The following GSE1 variants were observed in gnomAD, a reference collection of about 807,000 sequenced individuals.
GSE1 encodes the protein genetic suppressor element 1.
In GSE1, 32 loss-of-function variants were observed where a neutral mutation model predicts 112.6. That is an observed-to-expected ratio of 0.28 (90% confidence interval 0.21 to 0.38). GSE1 has a LOEUF of 0.38. Ranked by LOEUF, GSE1 falls within the 10% of genes least tolerant of loss-of-function variation. The pLI, the probability that GSE1 is intolerant of heterozygous loss-of-function variation, is 1.00. For missense variants in GSE1, 2,348 were observed against 1,699.2 expected (o/e 1.38, Z -6.71); for synonymous variants, 1,115 against 735.6 (o/e 1.52, Z -8.35).
rs749420275 is a variant in GSE1 at position 85,533,450 on chromosome 16, ATC to A, written c.2465-100460_2465-100459del. Among the ~76,000 whole-genome samples the A allele has an allele frequency of 2.7e-3, 408 of 151,994 alleles. 3 individuals are homozygous for A. The highest frequency in any genetic ancestry group is 9.3e-3 in the African/African-American group (384 of 41,396). ...AACACAAAAAACAAACAAACAAAAA[ATC>A]TCTGTTTGCATATGTGTTATAATGG... is the stretch of plus-strand genomic sequence containing the variant. On this transcript the variant is annotated intron_variant, in intron 2 of 2. Coordinates refer to the GSE1 transcript ENST00000637419.
chr16:85,229,985 G>T (rs1314734583), intron 1 of GSE1, among the ~76,000 whole-genome samples: 1 of 152,180 alleles, frequency 6.6e-6, no homozygotes, highest in African/African-American at 2.4e-5. Flanking sequence ...TGTGCCACAT[G>T]CCCACTTGTA....
chr16:85,293,320 T>C (rs976164481), intron 1 of GSE1, among the ~76,000 whole-genome samples: 1 of 151,828 alleles, frequency 6.6e-6, no homozygotes, highest in African/African-American at 2.4e-5. Context: ...CCGAGGCGGG[T>C]GCATCACTTG....
chr16:85,287,877 T>C (rs2966858), intron 1 of GSE1, among the ~76,000 whole-genome samples: 131,201 of 152,218 alleles, frequency 0.86, 56,894 homozygotes, highest in African/African-American at 0.96. Context: ...TCCCTAGGAC[T>C]CAGAATAATG....
intron 1 of GSE1, among the ~76,000 whole-genome samples, chr16:85,178,094 G>C (rs1284145529): frequency 6.6e-6 from 1 of 152,220 alleles, no homozygotes; most frequent in African/African-American, 2.4e-5. Flanking sequence ...TGAGGAACCA[G>C]TGAAGAGGTC....
chr16:85,501,387 C>CA (rs2051361186), intron 2 of GSE1, among the ~76,000 whole-genome samples: 4 of 129,522 alleles, frequency 3.1e-5, no homozygotes, highest in Admixed American at 8.0e-5. Context: ...AGGACTTCAC[C>CA]TTTTTTTTTT....
Position 85,672,101 on chromosome 16 carries a change from C to A in GSE1, c.3520-304C>A, listed in dbSNP as rs896191862. On this transcript the variant is annotated intron_variant, in intron 15 of 15. Transcript: ENST00000253458. The stretch of plus-strand genomic sequence containing the variant: ...GCAACCTCCGCCTCCTGGGTTCAAG[C>A]GATTCTCCTGCCTCAGCCTCCCGAG... 5 of 321,038 alleles carry A rather than the reference C, an allele frequency of 1.6e-5. No individual in the cohort carries two copies. In the East Asian group the frequency reaches 4.3e-4, roughly 27 times the overall value. The allele number at this position is 321,038 out of a possible 1,614,324, so 19.9% of individuals were successfully genotyped here. A position where few individuals can be genotyped will look rare whatever the true frequency, so the allele number is the denominator to read the frequency against.
chr16:85,255,119 G>A (rs908135604), intron 1 of GSE1, among the ~76,000 whole-genome samples: 1 of 152,196 alleles, frequency 6.6e-6, no homozygotes, highest in Non-Finnish European at 1.5e-5. Context: ...GCCAGCTTCC[G>A]GCTCCCCGAG....
intron 1 of GSE1, among the ~76,000 whole-genome samples, chr16:85,556,706 G>A (rs1396400882): frequency 6.7e-6 from 1 of 150,214 alleles, no homozygotes; most frequent in African/African-American, 2.4e-5. Flanking sequence ...TAAGCGCCGA[G>A]TGTGAAGTTA....
At chr16:85,375,416 C>A (rs374718307) in intron 2 of GSE1, among the ~76,000 whole-genome samples, 1 of 152,156 alleles carries the variant, frequency 6.6e-6, no homozygotes, top group South Asian at 2.1e-4. Flanking sequence ...AGGCCCAGGG[C>A]GCCCATTAAG....
intron 1 of GSE1, chr16:85,593,703 T>G (rs1175971516): frequency 1.3e-5 from 2 of 152,166 alleles, no homozygotes. Flanking sequence ...TCCAGCCCAT[T>G]TGCATAATCC....
chr16:85,486,282 C>A (rs1042068738), intron 2 of GSE1, among the ~76,000 whole-genome samples: 3 of 142,210 alleles, frequency 2.1e-5, no homozygotes, highest in African/African-American at 8.2e-5. Context: ...CAGGTGGACG[C>A]TGTCACCTGC....
intron 1 of GSE1, among the ~76,000 whole-genome samples, chr16:85,272,927 C>A (rs909480735): frequency 6.6e-6 from 1 of 152,156 alleles, no homozygotes; most frequent in African/African-American, 2.4e-5. Context: ...CAGGCATGCA[C>A]TATTATGCCC....
intron 2 of GSE1, among the ~76,000 whole-genome samples, chr16:85,506,201 G>A (rs2051530044): frequency 6.6e-6 from 1 of 152,184 alleles, no homozygotes; most frequent in African/African-American, 2.4e-5. Context: ...TCCTGTGTGT[G>A]GTGCGTCCCT....
intron 1 of GSE1, among the ~76,000 whole-genome samples, chr16:85,616,016 G>T (rs1172847521): frequency 1.3e-5 from 2 of 152,256 alleles, no homozygotes; most frequent in Non-Finnish European, 2.9e-5. Flanking sequence ...GTCTCTGGGG[G>T]AAGTTCAGGG....
chr16:85,549,363 G>A (rs893468624), intron 2 of GSE1, among the ~76,000 whole-genome samples: 6 of 151,926 alleles, frequency 3.9e-5, no homozygotes, highest in African/African-American at 1.2e-4. Flanking sequence ...TTTTTGTAGC[G>A]ACGGAGTCCC....
At chr16:85,414,745 C>T (rs1277286449) in intron 2 of GSE1, among the ~76,000 whole-genome samples, 5 of 152,212 alleles carry the variant, frequency 3.3e-5, no homozygotes, top group Non-Finnish European at 7.4e-5. Flanking sequence ...AGCAATTCTC[C>T]TGCCTCAGCC....
At chr16:85,620,935 T>A (rs1461995107) in intron 1 of GSE1, among the ~76,000 whole-genome samples, 2 of 151,662 alleles carry the variant, frequency 1.3e-5, no homozygotes, top group Non-Finnish European at 2.9e-5. Context: ...GTAGATGGTC[T>A]CGGCCATGGG....
At chr16:85,263,436 G>A (rs1267780288) in intron 1 of GSE1, among the ~76,000 whole-genome samples, 2 of 152,224 alleles carry the variant, frequency 1.3e-5, no homozygotes, top group East Asian at 1.9e-4. Flanking sequence ...TGGTATTTGC[G>A]CTGCTGGCCC....
chr16:85,562,302 G>T (rs2045557312), intron 1 of GSE1, among the ~76,000 whole-genome samples: 1 of 152,188 alleles, frequency 6.6e-6, no homozygotes, highest in South Asian at 2.1e-4. Flanking sequence ...AAAGCCAGGG[G>T]CCCTTTTGTC....
Sources: gnomAD v4.1 joint callset for allele counts (sites outside exome capture counted in the v4.1 genomes callset) on GRCh38, gnomAD v4.1.1 for gene constraint, MANE v1.5 for transcripts, NCBI Gene and HGNC (gene_info 2026-07-23, HGNC 2026-07-21) for gene names.